Variants in ANKRD28 observed in about 807,000 individuals in gnomAD.
The protein encoded by ANKRD28 is serine/threonine-protein phosphatase 6 regulatory ankyrin repeat subunit A.
ANKRD28 carries 44 observed loss-of-function variants against 126.5 expected under a neutral mutation model. That is an observed-to-expected ratio of 0.35 (90% CI 0.27 to 0.45). The LOEUF (loss-of-function observed/expected upper bound fraction) is 0.45. Among genes scored for constraint, ANKRD28 ranks in the 20% least tolerant of loss-of-function variants. The pLI is 1.00. For missense variants in ANKRD28, 1,110 were observed against 1,316.6 expected (o/e 0.84, Z 2.43); for synonymous variants, 442 against 468.5 (o/e 0.94, Z 0.73).
chr3:15,849,912 A>G (rs1231764385), intron 1 of ANKRD28, among the ~76,000 whole-genome samples: 1 of 152,152 alleles, frequency 6.6e-6, no homozygotes, highest in East Asian at 1.9e-4. Flanking sequence ...CCTGGTGTCA[A>G]TGTGGTTTCT....
At chr3:15,735,653 A>G (rs1295667140) in intron 5 of ANKRD28, among the ~76,000 whole-genome samples, 156 bp from the exon 6 acceptor site, 3 of 152,282 alleles carry the variant, frequency 2.0e-5, no homozygotes, top group South Asian at 2.1e-4. Context: ...GTCATTTAAC[A>G]TAACAGGACA....
intron 20 of ANKRD28, 49 bp downstream of exon 20, chr3:15,685,953 T>C: frequency 7.1e-7 from 1 of 1,405,960 alleles, no homozygotes; most frequent in Non-Finnish European, 1.0e-6. Context: ...TTCTAGGTAA[T>C]ATGAGGTCAT....
At chr3:15,687,547 A>C (rs60365828) in intron 18 of ANKRD28, among the ~76,000 whole-genome samples, 6,293 of 152,296 alleles carry the variant, frequency 0.041, 425 homozygotes, top group African/African-American at 0.14. Flanking sequence ...TGTATCTTGC[A>C]TATGATACAG....
At chr3:15,813,818 G>C (rs1211895536) in intron 1 of ANKRD28, among the ~76,000 whole-genome samples, 1 of 152,182 alleles carries the variant, frequency 6.6e-6, no homozygotes, top group Non-Finnish European at 1.5e-5. Context: ...TTTAAAGTGT[G>C]CAGCACAATC....
chr3:15,720,761 T>C (rs993336951), intron 8 of ANKRD28, among the ~76,000 whole-genome samples, 154 bp downstream of exon 8: 1 of 152,196 alleles, frequency 6.6e-6, no homozygotes, highest in African/African-American at 2.4e-5. Context: ...GTACATACTC[T>C]TGAGTAAGGC....
chr3:15,774,969 A>G (rs1174178293), intron 2 of ANKRD28, among the ~76,000 whole-genome samples: 1 of 152,232 alleles, frequency 6.6e-6, no homozygotes, highest in Non-Finnish European at 1.5e-5. Context: ...CTCTGCCTCC[A>G]GGATTCAAGC....
intron 1 of ANKRD28, among the ~76,000 whole-genome samples, chr3:15,859,071 C>T (rs767439469): frequency 3.9e-5 from 6 of 152,180 alleles, no homozygotes; most frequent in Non-Finnish European, 8.8e-5. Context: ...CCTCACCTGG[C>T]AGGAAAGAGG....
chr3:15,774,517 A>G (rs991959144), intron 2 of ANKRD28, among the ~76,000 whole-genome samples: 7 of 152,206 alleles, frequency 4.6e-5, no homozygotes, highest in Admixed American at 1.3e-4. Context: ...ACACTACCTC[A>G]CATTATATGT....
intron 8 of ANKRD28, among the ~76,000 whole-genome samples, chr3:15,720,213 T>A (rs1379987471): frequency 2.0e-5 from 3 of 150,220 alleles, no homozygotes; most frequent in African/African-American, 7.4e-5. Context: ...TGAAAGTGAT[T>A]CTAACAAAAA....
intron 4 of ANKRD28, among the ~76,000 whole-genome samples, chr3:15,738,162 C>T (rs113081376): frequency 1.1e-4 from 16 of 152,206 alleles, no homozygotes; most frequent in Admixed American, 9.8e-4. Context: ...GGTAAATTAT[C>T]GGGGAACCTG....
intron 6 of ANKRD28, chr3:15,732,503 G>A (rs769338667): frequency 2.6e-5 from 4 of 152,236 alleles, no homozygotes; most frequent in Non-Finnish European, 4.4e-5. Context: ...GCTATTTGGT[G>A]AGAGCAGGAC....
chr3:15,749,892 T>C (rs910546908), intron 4 of ANKRD28, among the ~76,000 whole-genome samples: 29 of 152,172 alleles, frequency 1.9e-4, no homozygotes, highest in Admixed American at 1.1e-3. Context: ...CCTGCTCCAG[T>C]GGAGGTAGCA....
chr3:15,820,041 A>G (rs761590284), intron 1 of ANKRD28, among the ~76,000 whole-genome samples: 1 of 152,264 alleles, frequency 6.6e-6, no homozygotes, highest in Non-Finnish European at 1.5e-5. Context: ...TACAAAGGAA[A>G]TAATTTAAGA....
chr3:15,693,468 A>G (rs2069096075), intron 17 of ANKRD28, among the ~76,000 whole-genome samples: 2 of 152,214 alleles, frequency 1.3e-5, no homozygotes, highest in African/African-American at 2.4e-5. Context: ...CAACATCATT[A>G]AACTGATAAC....
At chr3:15,852,204 A>G (rs2061667452) in intron 1 of ANKRD28, among the ~76,000 whole-genome samples, 1 of 152,372 alleles carries the variant, frequency 6.6e-6, no homozygotes, top group African/African-American at 2.4e-5. Flanking sequence ...TTACATCTCA[A>G]TAATGCTGGT....
chr3:15,810,701 CTTTT>C (rs61658995), intron 1 of ANKRD28, among the ~76,000 whole-genome samples: 1 of 143,516 alleles, frequency 7.0e-6, no homozygotes, highest in Non-Finnish European at 1.5e-5. Context: ...TTGTTCTCTC[CTTTT>C]TTTTTTTTTT....
In ANKRD28 at chr3:15,796,606, A is replaced by T; in HGVS notation, c.-85T>A. On this transcript the variant is annotated 5_prime_UTR_variant, in exon 1 of 28. Transcript: ENST00000683139. Reference sequence around the variant, plus strand: ...CAAGTAGTTTTTCCTCCTCTTCTGTACAACACTTACAAACATTCTCTGAAC... The same window carrying T: ...CAAGTAGTTTTTCCTCCTCTTCTGTTCAACACTTACAAACATTCTCTGAAC... The T allele has an allele frequency of 1.2e-5, 14 of 1,143,134 alleles. 1 individual carries two copies. The South Asian group carries it at 2.4e-4, about 19-fold the overall frequency. The allele number at this position is 1,143,134 out of a possible 1,614,324, so 70.8% of individuals were successfully genotyped here.
chr3:15,762,781 A>G (rs1412066773), intron 3 of ANKRD28, among the ~76,000 whole-genome samples: 3 of 152,216 alleles, frequency 2.0e-5, no homozygotes, highest in African/African-American at 7.2e-5. Context: ...AAATAGCCAT[A>G]ATTTTGAATA....
At chr3:15,757,250 T>C (rs186960239) in intron 3 of ANKRD28, among the ~76,000 whole-genome samples, 1 of 152,246 alleles carries the variant, frequency 6.6e-6, no homozygotes, top group Admixed American at 6.5e-5. Context: ...ATTAGGCTAT[T>C]AGTAGTTTTT....
Sources: gnomAD v4.1 joint callset for allele counts (sites outside exome capture counted in the v4.1 genomes callset) on GRCh38, gnomAD v4.1.1 for gene constraint, MANE v1.5 for transcripts, NCBI Gene and HGNC (gene_info 2026-07-23, HGNC 2026-07-21) for gene names.